The following GALNT13 variants were observed in gnomAD, a reference collection of about 807,000 sequenced individuals.
The protein encoded by GALNT13 is polypeptide N-acetylgalactosaminyltransferase 13.
Under a neutral mutation model 64.2 loss-of-function variants are expected in GALNT13, and 28 were observed. The observed-to-expected ratio is 0.44, with a 90% CI of 0.32 to 0.60. GALNT13 has a LOEUF of 0.60. Ranked by LOEUF, GALNT13 falls within the 20% of genes least tolerant of loss-of-function variation. The pLI is 0.05. For synonymous variants in GALNT13, 214 were observed against 224.6 expected (o/e 0.95, Z 0.42); for missense variants, 577 against 669.8 (o/e 0.86, Z 1.53).
the GALNT13 span, among the ~76,000 whole-genome samples, chr2:153,734,813 A>G: frequency 1.3e-5 from 2 of 152,144 alleles, no homozygotes; most frequent in Non-Finnish European, 2.9e-5. Flanking sequence ...GTAGTTGAAC[A>G]TCTTGAGATG....
At chr2:153,794,713 G>A in the GALNT13 span, among the ~76,000 whole-genome samples, 7 of 151,984 alleles carry the variant, frequency 4.6e-5, no homozygotes, top group Non-Finnish European at 5.9e-5. Context: ...TACAGACGTG[G>A]TTTCACCATC....
intron 1 of GALNT13, among the ~76,000 whole-genome samples, chr2:153,900,082 C>G (rs1057070236): frequency 4.0e-5 from 6 of 151,412 alleles, no homozygotes; most frequent in Non-Finnish European, 8.8e-5. Flanking sequence ...ACTACAGGCA[C>G]TCACTACCAT....
the GALNT13 span, among the ~76,000 whole-genome samples, chr2:153,821,104 T>C: frequency 1.3e-5 from 2 of 152,106 alleles, no homozygotes; most frequent in Non-Finnish European, 2.9e-5. Flanking sequence ...CAAATACTTA[T>C]AGACTTATGA....
chr2:153,095,387 C>T, the GALNT13 span, among the ~76,000 whole-genome samples: 70 of 152,272 alleles, frequency 4.6e-4, no homozygotes, highest in African/African-American at 1.4e-3. Flanking sequence ...AGTCAGGAAA[C>T]AACAAGTGCT....
the GALNT13 span, among the ~76,000 whole-genome samples, chr2:153,643,637 T>A: frequency 6.6e-6 from 1 of 151,734 alleles, no homozygotes. Context: ...CATCATCTAA[T>A]AACGGTTAGA....
chr2:153,134,315 A>C, the GALNT13 span, among the ~76,000 whole-genome samples: 1 of 152,100 alleles, frequency 6.6e-6, no homozygotes, highest in African/African-American at 2.4e-5. Context: ...TCGCTTTGGA[A>C]ATGAGTCCTC....
At chr2:153,386,704 G>A in the GALNT13 span, among the ~76,000 whole-genome samples, 1 of 152,064 alleles carries the variant, frequency 6.6e-6, no homozygotes, top group Non-Finnish European at 1.5e-5. Context: ...AGGTCAATAA[G>A]TTATGCACCC....
At chr2:153,300,566 T>C in the GALNT13 span, among the ~76,000 whole-genome samples, 1 of 152,246 alleles carries the variant, frequency 6.6e-6, no homozygotes, top group African/African-American at 2.4e-5. Context: ...TTAAAATTCT[T>C]ATTTGCTGAC....
chr2:153,238,158 C>G, the GALNT13 span, among the ~76,000 whole-genome samples: 1 of 151,986 alleles, frequency 6.6e-6, no homozygotes, highest in African/African-American at 2.4e-5. Flanking sequence ...CTATTCAAGT[C>G]TCTTGCTCAT....
intron 3 of GALNT13, among the ~76,000 whole-genome samples, chr2:153,960,918 C>T (rs1352310921): frequency 6.6e-6 from 1 of 152,026 alleles, no homozygotes; most frequent in Non-Finnish European, 1.5e-5. Context: ...GGAATACTGT[C>T]ATTTAAAATT....
At chr2:154,342,768 A>G (rs551071321) in intron 9 of GALNT13, among the ~76,000 whole-genome samples, 5 of 151,748 alleles carry the variant, frequency 3.3e-5, no homozygotes, top group Non-Finnish European at 7.4e-5. Context: ...GGTTTATACA[A>G]TTTTATACAG....
At chr2:153,629,681 A>C in the GALNT13 span, among the ~76,000 whole-genome samples, 1 of 152,032 alleles carries the variant, frequency 6.6e-6, no homozygotes, top group Non-Finnish European at 1.5e-5. Context: ...TCTGCACAGC[A>C]AAAGAAACTA....
rs115230258 is a variant in GALNT13 at position 154,233,868 on chromosome 2, A to C, written c.312-8162A>C. Among the ~76,000 whole-genome samples the C allele has an allele frequency of 2.2e-3, 337 of 152,194 alleles. 3 individuals are homozygous for C. Among genetic ancestry groups the C allele is most frequent in the African/African-American group, 7.8e-3 (324 of 41,514 alleles). ...AGCTCATGGATGGTCAGGAGGAGGG[A>C]AGAAGCAGAGATCTAAGCAAGCAGG... On this transcript the variant is annotated intron_variant, in intron 4 of 12. Transcript: ENST00000392825.
At chr2:153,526,933 A>G in the GALNT13 span, among the ~76,000 whole-genome samples, 4 of 152,322 alleles carry the variant, frequency 2.6e-5, no homozygotes, top group African/African-American at 7.2e-5. Flanking sequence ...TTTTATTAGC[A>G]GAACTGAGCA....
At chr2:154,210,909 ACT>A (rs939918507) in intron 4 of GALNT13, among the ~76,000 whole-genome samples, 8 of 151,972 alleles carry the variant, frequency 5.3e-5, no homozygotes, top group African/African-American at 1.7e-4. Context: ...GTTAGAAATG[ACT>A]CTTAGGTGTC....
At chr2:153,934,074 G>T (rs1444209975) in intron 2 of GALNT13, among the ~76,000 whole-genome samples, 2 of 151,932 alleles carry the variant, frequency 1.3e-5, no homozygotes, top group Middle Eastern at 3.2e-3. Flanking sequence ...CATGTCTTGG[G>T]GATGGTCATC....
the GALNT13 span, among the ~76,000 whole-genome samples, chr2:153,615,824 A>G: frequency 2.6e-5 from 4 of 152,062 alleles, no homozygotes; most frequent in Non-Finnish European, 4.4e-5. Flanking sequence ...CTCCTTATAT[A>G]TTCTGGTTAT....
chr2:153,507,442 A>T, the GALNT13 span, among the ~76,000 whole-genome samples: 1 of 151,896 alleles, frequency 6.6e-6, no homozygotes, highest in Non-Finnish European at 1.5e-5. Flanking sequence ...CACGATGCAC[A>T]GCTAAGTTTT....
intron 8 of GALNT13, among the ~76,000 whole-genome samples, chr2:154,282,688 C>A (rs1692028079): frequency 6.6e-6 from 1 of 151,824 alleles, no homozygotes; most frequent in Non-Finnish European, 1.5e-5. Context: ...TTTTATTTTC[C>A]ATGCAAAATA....
Sources: allele counts gnomAD v4.1 joint callset (sites outside exome capture counted in the v4.1 genomes callset), GRCh38; gene constraint gnomAD v4.1.1; transcripts MANE v1.5; gene names NCBI Gene and HGNC (gene_info 2026-07-23, HGNC 2026-07-21).